The following EHMT1 variants were observed in gnomAD, a reference collection of about 807,000 sequenced individuals.
The protein encoded by EHMT1 is histone-lysine N-methyltransferase EHMT1.
A neutral mutation model predicts 147.2 loss-of-function variants in EHMT1; 15 were observed. The observed-to-expected ratio is 0.10, with a 90% confidence interval of 0.07 to 0.16. The LOEUF (loss-of-function observed/expected upper bound fraction) is 0.16. Ranked by LOEUF, EHMT1 falls within the 10% of genes least tolerant of loss-of-function variation. EHMT1 has a pLI of 1.00. For synonymous variants in EHMT1, 795 were observed against 709.6 expected (o/e 1.12, Z -1.91); for missense variants, 1,587 against 1,772.4 (o/e 0.90, Z 1.88).
At chr9:137,634,781 C>A (rs1250780263) in intron 1 of EHMT1, among the ~76,000 whole-genome samples, 1 of 149,160 alleles carries the variant, frequency 6.7e-6, no homozygotes, top group African/African-American at 2.5e-5. Context: ...CAGCTCACTG[C>A]AACCTCTGCC....
At chr9:137,803,468 C>T in intron 18 of EHMT1, 1 of 237,370 alleles carries the variant, frequency 4.2e-6, no homozygotes, top group East Asian at 1.8e-4. Flanking sequence ...GGGCAGCTTT[C>T]CCTCGCGTCC....
At chr9:137,708,525 A>G (rs193053994) in intron 1 of EHMT1, among the ~76,000 whole-genome samples, 3 of 152,310 alleles carry the variant, frequency 2.0e-5, no homozygotes, top group Admixed American at 6.5e-5. Flanking sequence ...CCCCATGTTG[A>G]CACATTTTAT....
chr9:137,694,269 G>T (rs1943203675), intron 1 of EHMT1, among the ~76,000 whole-genome samples: 1 of 126,722 alleles, frequency 7.9e-6, no homozygotes, highest in African/African-American at 3.1e-5. Flanking sequence ...AGTGGCGCAG[G>T]ACGCTGGCCG....
rs7853060 is a variant in EHMT1, at chr9:137,777,808, T to A, written c.2019-74T>A. 9.4e-3 allele frequency: 14,983 copies of A among 1,593,452 alleles called. 1,175 individuals carry two copies. The African/African-American group carries it at 0.17, about 18-fold the overall frequency. On this transcript the variant is annotated intron_variant, in intron 12 of 26. Transcript: ENST00000460843. ...GCAGCTCTCACTTAGAAAACAGCGC[T>A]CTCGGGCAGTCAGAGTCGGAACAGG...
rs971192288 is a variant in EHMT1, at chr9:137,731,110, CG to C, written c.823+2582del. On this transcript the variant is annotated intron_variant, in intron 4 of 26. Transcript: ENST00000460843. This position sits in a 1 kb window ranked among gnomAD's most constrained non-coding sequence, Gnocchi z 4.3. ...AGCTTTCTAAAAACAAACTACCCAG[CG>C]TGTTTAGCAGGCTCCAGTTTACCCT... Among the ~76,000 whole-genome samples the C allele has an allele frequency of 2.6e-5, 4 of 152,188 alleles. No individual in the cohort carries two copies. The highest frequency in any genetic ancestry group is 7.2e-5 in the African/African-American group (3 of 41,446).
chr9:137,758,848 C>T (rs1949579138), intron 9 of EHMT1, among the ~76,000 whole-genome samples: 1 of 152,170 alleles, frequency 6.6e-6, no homozygotes, highest in Non-Finnish European at 1.5e-5. Context: ...GCTAGTCCGG[C>T]TGGGCGCGGT....
At position 137,776,789 on chromosome 9, in the gene EHMT1, C is replaced by T. The variant is rs1950994381; in HGVS notation, c.1963C>T (p.Pro655Ser). 6.2e-7 allele frequency: 1 copy of T among 1,613,982 alleles called. No homozygotes were observed. Among genetic ancestry groups the T allele is most frequent in the African/African-American group, 1.3e-5 (1 of 75,014 alleles). Residue 655 changes from proline (P) to serine (S), a missense_variant, in exon 12 of 27, where the codon CCC (proline) becomes TCC (serine). Physicochemically the swap from Pro to Ser is moderately conservative, Grantham distance 74. Coordinates refer to ENST00000460843, the MANE Select transcript of EHMT1 (RefSeq NM_024757.5). The surrounding 1 kb of genome is among the most constrained non-coding windows in gnomAD (Gnocchi z 4.4). ...ADTTSTVTPV[P>S]GQEKGSALEG... ...CACCACCTCGACCGTGACACCAGTC[C>T]CCGGGCAGGAGAAGGGCTCGGCCCT...
intron 1 of EHMT1, among the ~76,000 whole-genome samples, chr9:137,665,637 T>A (rs542434510): frequency 5.9e-5 from 9 of 152,340 alleles, no homozygotes; most frequent in Admixed American, 4.6e-4. Flanking sequence ...TTAGTATTTT[T>A]TCAACAGAGC....
chr9:137,816,396 G>A (rs573065420), intron 23 of EHMT1: 6 of 384,106 alleles, frequency 1.6e-5, no homozygotes, highest in African/African-American at 8.3e-5. Context: ...TAGGGCTGTC[G>A]TAGTTCTATT....
At chr9:137,817,343 T>C in intron 23 of EHMT1, 96 bp from the exon 24 acceptor site, 1 of 1,396,730 alleles carries the variant, frequency 7.2e-7, no homozygotes, top group Non-Finnish European at 1.0e-6. Flanking sequence ...GTTTTCTTCC[T>C]CATTTCAGTG....
At chr9:137,670,689 C>T (rs1940488054) in intron 1 of EHMT1, among the ~76,000 whole-genome samples, 1 of 152,216 alleles carries the variant, frequency 6.6e-6, no homozygotes, top group South Asian at 2.1e-4. Context: ...CCAGTTAGTC[C>T]TCACTGAGGC....
chr9:137,687,427 G>A, intron 1 of EHMT1, among the ~76,000 whole-genome samples: 1 of 152,284 alleles, frequency 6.6e-6, no homozygotes, highest in Non-Finnish European at 1.5e-5. Context: ...AGGTGGAGGA[G>A]TTGAGGTAGA....
chr9:137,714,125 T>C (rs1055575583), intron 2 of EHMT1, among the ~76,000 whole-genome samples: 1 of 152,206 alleles, frequency 6.6e-6, no homozygotes, highest in Non-Finnish European at 1.5e-5. Flanking sequence ...TGCATTCTTT[T>C]TATTTCTGTT....
intron 10 of EHMT1, among the ~76,000 whole-genome samples, chr9:137,770,493 T>C (rs1007966671): frequency 6.6e-6 from 1 of 152,236 alleles, no homozygotes; most frequent in Non-Finnish European, 1.5e-5. Context: ...TGCAAGACTT[T>C]TCAACCTCAA....
intron 3 of EHMT1, among the ~76,000 whole-genome samples, chr9:137,727,368 G>T (rs1003192612): frequency 8.5e-5 from 13 of 152,072 alleles, no homozygotes; most frequent in African/African-American, 2.4e-4. Context: ...GAAAATAACT[G>T]CCAGATCCAA....
intron 26 of EHMT1, 45 bp downstream of exon 26, chr9:137,834,569 C>A: frequency 6.2e-7 from 1 of 1,606,682 alleles, no homozygotes; most frequent in Non-Finnish European, 8.5e-7. Context: ...GCCGGCGGGA[C>A]GGTTTTAGGA....
intron 16 of EHMT1, among the ~76,000 whole-genome samples, chr9:137,793,830 G>C (rs1952703847): frequency 6.6e-6 from 1 of 152,208 alleles, no homozygotes; most frequent in Admixed American, 6.5e-5. Context: ...AAGCCATCGA[G>C]AGTAGGGAGA....
At chr9:137,672,816 G>C (rs1940834151) in intron 1 of EHMT1, among the ~76,000 whole-genome samples, 1 of 152,188 alleles carries the variant, frequency 6.6e-6, no homozygotes, top group Non-Finnish European at 1.5e-5. Context: ...GTTTTCCCAT[G>C]CTATCTCAAT....
At chr9:137,791,882 C>T (rs1160674628) in intron 16 of EHMT1, among the ~76,000 whole-genome samples, 1 of 152,176 alleles carries the variant, frequency 6.6e-6, no homozygotes, top group East Asian at 1.9e-4. Flanking sequence ...CAGGCACGCA[C>T]CACCATGCCT....
Sources: gnomAD v4.1 joint callset for allele counts (sites outside exome capture counted in the v4.1 genomes callset) on GRCh38, gnomAD v4.1.1 for gene constraint, Gnocchi (gnomAD v3.1) non-coding constraint, MANE v1.5 for transcripts, NCBI Gene and HGNC (gene_info 2026-07-23, HGNC 2026-07-21) for gene names.